The following FBXL7 variants were observed in gnomAD, a reference collection of about 807,000 sequenced individuals.
FBXL7 encodes F-box and leucine rich repeat protein 7, also known as F-box/LRR-repeat protein 7.
Under a neutral mutation model 38.3 loss-of-function variants are expected in FBXL7, and 12 were observed. That is an observed-to-expected ratio of 0.31 (90% CI 0.20 to 0.51). FBXL7 has a LOEUF of 0.51. FBXL7 is among the 20% of genes least tolerant of loss of function. FBXL7 has a pLI of 0.98. For synonymous variants in FBXL7, 297 were observed against 300.9 expected, an observed-to-expected ratio of 0.99 and a Z score of 0.13; for missense variants, 567 against 676.4, an observed-to-expected ratio of 0.84 and a Z score of 1.79.
chr5:15,727,914 T>C (rs933569647), intron 2 of FBXL7, among the ~76,000 whole-genome samples: 4 of 152,272 alleles, frequency 2.6e-5, no homozygotes, highest in African/African-American at 4.8e-5. Flanking sequence ...CCATCGTTTT[T>C]TGTTGCTGTT....
chr5:15,785,131 A>G (rs1408138835), intron 2 of FBXL7, among the ~76,000 whole-genome samples: 1 of 152,190 alleles, frequency 6.6e-6, no homozygotes, highest in African/African-American at 2.4e-5. Context: ...GCTTATGATT[A>G]CAAGGTTAAA....
At chr5:15,617,006 A>G (rs1217389897) in intron 2 of FBXL7, among the ~76,000 whole-genome samples, 1 of 152,244 alleles carries the variant, frequency 6.6e-6, no homozygotes, top group African/African-American at 2.4e-5. Context: ...TCTGTTGGTC[A>G]TAATATTGGG....
In FBXL7 at chr5:15,828,303, G is replaced by A. The variant is rs138233077; in HGVS notation, c.128-99587G>A. Among the ~76,000 whole-genome samples the A allele has an allele frequency of 7.7e-4, 117 of 152,250 alleles. 1 individual carries two copies. The highest frequency in any genetic ancestry group is 2.7e-3 in the African/African-American group (114 of 41,544). ...AGCAAATAAAGATATATAACACCCA[G>A]ATAAATTCGATTTTTAAGAAAATGA... On this transcript the variant is annotated intron_variant, in intron 2 of 3. Coordinates refer to ENST00000504595, the MANE Select transcript of FBXL7 (RefSeq NM_012304.5).
intron 2 of FBXL7, among the ~76,000 whole-genome samples, chr5:15,901,176 T>G (rs1200164337): frequency 6.6e-6 from 1 of 152,222 alleles, no homozygotes; most frequent in Non-Finnish European, 1.5e-5. Flanking sequence ...TACCACAGAC[T>G]AGATGGCTTA....
chr5:15,777,674 C>G (rs1298290416), intron 2 of FBXL7, among the ~76,000 whole-genome samples: 1 of 137,152 alleles, frequency 7.3e-6, no homozygotes, highest in Non-Finnish European at 1.5e-5. Context: ...AAGAATTTCC[C>G]TTTTAAGGAA....
In FBXL7 at chr5:15,581,989, GTGCAGTGGCATGATCTTAGCTCAT is replaced by G. The variant is rs566181914; in HGVS notation, c.38-33989_38-33966del. ...ATCGCATTCTGTGTCCCAGGCTGGA[GTGCAGTGGCATGATCTTAGCTCAT>G]TGCAACCTCCATCTCCCAGGTTCAG... On this transcript the variant is annotated intron_variant, in intron 1 of 3. Transcript: ENST00000504595. 9.8e-5 allele frequency among the ~76,000 whole-genome samples: 15 copies of G among 152,292 alleles called. No individual in the cohort carries two copies. In the South Asian group the frequency reaches 3.1e-3, roughly 32 times the overall value.
chr5:15,885,577 A>C (rs2126353491), intron 2 of FBXL7, among the ~76,000 whole-genome samples: 1 of 152,346 alleles, frequency 6.6e-6, no homozygotes, highest in Non-Finnish European at 1.5e-5. Context: ...AGACCAAAGA[A>C]ATGTTGAAAC....
intron 2 of FBXL7, among the ~76,000 whole-genome samples, chr5:15,856,097 A>G (rs761625598): frequency 6.6e-6 from 1 of 152,208 alleles, no homozygotes; most frequent in Non-Finnish European, 1.5e-5. Context: ...ATATACTTCC[A>G]TGTGGCTGGG....
At chr5:15,927,702 G>C (rs1325105593) in intron 2 of FBXL7, among the ~76,000 whole-genome samples, 188 bp from the exon 3 acceptor site, 1 of 148,024 alleles carries the variant, frequency 6.8e-6, no homozygotes, top group African/African-American at 2.5e-5. Context: ...TTGAACCCAG[G>C]AGGCGGAGGT....
At position 15,925,210 on chromosome 5, in the gene FBXL7, A is replaced by G. The variant is rs116767004; in HGVS notation, c.128-2680A>G. On this transcript the variant is annotated intron_variant, in intron 2 of 3. Coordinates refer to ENST00000504595, the MANE Select transcript of FBXL7 (RefSeq NM_012304.5). ...TAATATGTTAAAAATAATACAATCA[A>G]CCACATTGGAAAAGATAAATTCACA... 3.4e-3 allele frequency among the ~76,000 whole-genome samples: 520 copies of G among 152,320 alleles called. 3 individuals carry two copies. The highest frequency in any genetic ancestry group is 0.012 in the African/African-American group (504 of 41,574).
At chr5:15,666,142 T>C (rs1042420823) in intron 2 of FBXL7, among the ~76,000 whole-genome samples, 1 of 152,218 alleles carries the variant, frequency 6.6e-6, no homozygotes, top group Non-Finnish European at 1.5e-5. Context: ...GATTCATAAA[T>C]TGATACATTT....
intron 1 of FBXL7, among the ~76,000 whole-genome samples, chr5:15,609,648 A>G (rs1285904311): frequency 1.3e-5 from 2 of 152,196 alleles, no homozygotes; most frequent in East Asian, 1.9e-4. Context: ...CAAGCCCCCA[A>G]CAGACTTTCC....
At chr5:15,572,010 G>A (rs1738804635) in intron 1 of FBXL7, among the ~76,000 whole-genome samples, 1 of 152,052 alleles carries the variant, frequency 6.6e-6, no homozygotes, top group Non-Finnish European at 1.5e-5. Flanking sequence ...CTATTAATCT[G>A]TATTCATATG....
intron 2 of FBXL7, among the ~76,000 whole-genome samples, chr5:15,640,532 G>GT (rs34462817): frequency 0.22 from 31,855 of 143,618 alleles, 3,461 homozygotes; most frequent in African/African-American, 0.25. Context: ...GTTTTTTTTT[G>GT]TTTTTTTTTT....
chr5:15,583,923 C>T (rs1387519456), intron 1 of FBXL7, among the ~76,000 whole-genome samples: 1 of 152,232 alleles, frequency 6.6e-6, no homozygotes, highest in Non-Finnish European at 1.5e-5. Context: ...TCTGGACATC[C>T]AGGCATTTCC....
At chr5:15,859,533 G>A (rs947301561) in intron 2 of FBXL7, among the ~76,000 whole-genome samples, 1 of 152,136 alleles carries the variant, frequency 6.6e-6, no homozygotes, top group African/African-American at 2.4e-5. Context: ...ACGTGGCTCG[G>A]GAAGTCTCAC....
At chr5:15,744,000 T>G (rs971734863) in intron 2 of FBXL7, among the ~76,000 whole-genome samples, 1 of 152,148 alleles carries the variant, frequency 6.6e-6, no homozygotes, top group African/African-American at 2.4e-5. Flanking sequence ...GCTGCACACA[T>G]CAGGGGTCTC....
At chr5:15,805,087 C>A (rs973835268) in intron 2 of FBXL7, among the ~76,000 whole-genome samples, 1 of 152,164 alleles carries the variant, frequency 6.6e-6, no homozygotes, top group African/African-American at 2.4e-5. Flanking sequence ...ATCATAACTG[C>A]CTTTTCTCAT....
chr5:15,918,398 G>C (rs994772588), intron 2 of FBXL7, among the ~76,000 whole-genome samples: 1 of 152,104 alleles, frequency 6.6e-6, no homozygotes, highest in African/African-American at 2.4e-5. Flanking sequence ...AAATTTCTTA[G>C]AAGATACTTT....
Sources: allele counts gnomAD v4.1 joint callset (sites outside exome capture counted in the v4.1 genomes callset), GRCh38; gene constraint gnomAD v4.1.1; transcripts MANE v1.5; gene names NCBI Gene and HGNC (gene_info 2026-07-23, HGNC 2026-07-21).